COL1A2: variants seen among roughly 807,000 people sequenced by gnomAD.
COL1A2 encodes the protein collagen type I alpha 2 chain, also known as collagen alpha-2(I) chain.
In COL1A2, 49 loss-of-function variants were observed where a neutral mutation model predicts 174.3. The observed-to-expected ratio is 0.28, with a 90% CI of 0.22 to 0.36. COL1A2 has a LOEUF of 0.36. Among genes scored for constraint, COL1A2 ranks in the 10% least tolerant of loss-of-function variants. The pLI, the probability that COL1A2 is intolerant of heterozygous loss-of-function variation, is 1.00. For missense variants in COL1A2, 1,438 were observed against 1,822.7 expected, an observed-to-expected ratio of 0.79 and a Z score of 3.84; for synonymous variants, 655 against 606.6, an observed-to-expected ratio of 1.08 and a Z score of -1.17.
chr7:94,420,519 T>C (rs1792136293), intron 36 of COL1A2, 22 bp from the exon 37 acceptor site: 2 of 1,613,892 alleles, frequency 1.2e-6, no homozygotes, highest in Middle Eastern at 1.6e-4. Flanking sequence ...ATACCAGAGC[T>C]GTAACTGTTT....
Position 94,397,750 on chromosome 7 carries a change from T to A in COL1A2, c.73T>A (p.Leu25Ile). 7.6e-7 allele frequency: 1 copy of A among 1,317,794 alleles called. No individual in the cohort carries two copies. The highest frequency in any genetic ancestry group is 1.1e-6 in the Non-Finnish European group (1 of 920,844). The allele number at this position is 1,317,794 out of a possible 1,614,324, so 81.6% of individuals were successfully genotyped here. A position where few individuals can be genotyped will look rare whatever the true frequency, so the allele number is the denominator to read the frequency against. Residue 25 changes from leucine (L) to isoleucine (I), a missense_variant and splice_region_variant, in exon 2 of 52, where the codon TTA becomes ATA. This residue lies in a region of COL1A2 where 281 missense variants were observed against 310.9 expected (regional missense o/e 0.90). Coordinates refer to ENST00000297268, the MANE Select transcript of COL1A2 (RefSeq NM_000089.4). Reference sequence around the variant, plus strand: ...CTTTTTCTTTTTTTTTTCTACAGCTTTACAAGAGGTGAGTAAAACTTTTTT... The same window carrying A: ...CTTTTTCTTTTTTTTTTCTACAGCTATACAAGAGGTGAGTAAAACTTTTTT... ...VTLCLATCQS[L>I]QEETVRKGPA... is the part of the protein sequence containing the mutation.
rs773852385 is a variant in COL1A2, at chr7:94,412,121, C to T, written c.1404C>T (p.Val468=). Reference sequence around the variant, plus strand: ...GCCCCGCTGGAAAAGAAGGTCCTGTCGTAAGTATTGCTCATTTTCCATTAT... The same window carrying T: ...GCCCCGCTGGAAAAGAAGGTCCTGTTGTAAGTATTGCTCATTTTCCATTAT... The part of the protein sequence containing the change: ...NIGPAGKEGP[V]GLPGIDGRPG... The change falls in exon 24 of 52, where the codon GTC becomes GTT. Residue 468 remains valine, a splice_region_variant and synonymous_variant. Transcript: ENST00000297268. The T allele has an allele frequency of 8.7e-6, 14 of 1,611,336 alleles. No individual in the cohort carries two copies. The highest frequency in any genetic ancestry group is 1.7e-5 in the Admixed American group (1 of 59,890).
At chr7:94,409,200 T>A in intron 16 of COL1A2, 122 bp from the exon 17 acceptor site, 1 of 959,818 alleles carries the variant, frequency 1.0e-6, no homozygotes, top group African/African-American at 1.6e-5. Flanking sequence ...ATAAAACGGA[T>A]AAGAAAAATA....
rs1791728794 is a variant in COL1A2 at position 94,403,348 on chromosome 7, T to C, written c.280-1208T>C. Among the ~76,000 whole-genome samples the C allele has an allele frequency of 2.0e-5, 3 of 152,278 alleles. No individual in the cohort carries two copies. In the South Asian group the frequency reaches 6.2e-4, roughly 32 times the overall value. ...AGGGAAGATAGGCAGCAATAAAGTA[T>C]TAAAATAATTTCCATGTTGGAAAAT... is the stretch of plus-strand genomic sequence containing the variant. On this transcript the variant is annotated intron_variant, in intron 6 of 51. Transcript: ENST00000297268.
At chr7:94,419,695 G>A in intron 34 of COL1A2, 144 bp downstream of exon 34, 1 of 893,218 alleles carries the variant, frequency 1.1e-6, no homozygotes, top group Non-Finnish European at 1.8e-6. Context: ...AGAGCAGCAG[G>A]AAACAAATGC....
rs774218527 is a variant in COL1A2, at chr7:94,410,227, T to C, written c.1036-15T>C. On this transcript the variant is annotated splice_polypyrimidine_tract_variant and intron_variant, in intron 19 of 51. Coordinates refer to ENST00000297268, the MANE Select transcript of COL1A2 (RefSeq NM_000089.4). ...AATGTTTGTCCTTTGACCACTGTTC[T>C]GTATTGAACCCTAGGGTGAGCCTGG... 9 of 1,613,276 alleles carry C rather than the reference T, an allele frequency of 5.6e-6. No individual in the cohort carries two copies. The highest frequency in any genetic ancestry group is 2.7e-5 in the African/African-American group (2 of 74,894).
At chr7:94,419,211 C>T (rs1432367227) in intron 33 of COL1A2, among the ~76,000 whole-genome samples, 1 of 151,488 alleles carries the variant, frequency 6.6e-6, no homozygotes, top group African/African-American at 2.4e-5. Context: ...ATTTGCTGCT[C>T]TCCAGGGAAT....
chr7:94,410,829 C>T, intron 21 of COL1A2, 60 bp from the exon 22 acceptor site: 1 of 1,570,708 alleles, frequency 6.4e-7, no homozygotes, highest in East Asian at 2.2e-5. Flanking sequence ...TTTACAAACT[C>T]TACCTTATCA....
Position 94,395,078 on chromosome 7 carries a change from C to G in COL1A2, c.47C>G (p.Thr16Ser), listed in dbSNP as rs752079706. 1.2e-6 allele frequency: 2 copies of G among 1,614,008 alleles called. No homozygotes were observed. The highest frequency in any genetic ancestry group is 1.7e-5 in the Admixed American group (1 of 60,018). The change falls in exon 1 of 52, where the codon ACC becomes AGC. Residue 16 changes from threonine (T) to serine (S), a missense_variant. Coordinates refer to ENST00000297268, the MANE Select transcript of COL1A2 (RefSeq NM_000089.4). ...DTRTLLLLAV[T>S]LCLATCQSLQ... Reference sequence around the variant, plus strand: ...CGGACTTTGTTGCTGCTTGCAGTAACCTTATGCCTAGCAACATGCCAATGT... The same window carrying G: ...CGGACTTTGTTGCTGCTTGCAGTAAGCTTATGCCTAGCAACATGCCAATGT...
Position 94,411,163 on chromosome 7 carries a change from C to G in COL1A2, c.1350+9C>G. ...GTCTCATGGGACCCAGAGTAAGTTT[C>G]AAACTGATTCTGAGCAAATCACACC... is the stretch of plus-strand genomic sequence containing the variant. On this transcript the variant is annotated intron_variant, in intron 23 of 51. Coordinates refer to ENST00000297268, the MANE Select transcript of COL1A2 (RefSeq NM_000089.4). The G allele has an allele frequency of 6.4e-7, 1 of 1,559,134 alleles. No homozygotes were observed. Among genetic ancestry groups the G allele is most frequent in the Non-Finnish European group, 8.7e-7 (1 of 1,148,052 alleles).
At chr7:94,408,737 GA>G in intron 15 of COL1A2, 32 bp from the exon 16 acceptor site, 1 of 1,611,966 alleles carries the variant, frequency 6.2e-7, no homozygotes, top group Non-Finnish European at 8.5e-7. Flanking sequence ...TTACTTGGAG[GA>G]AATTTCTTAC....
chr7:94,400,674 G>A (rs1224960224), intron 5 of COL1A2, among the ~76,000 whole-genome samples: 1 of 152,132 alleles, frequency 6.6e-6, no homozygotes, highest in African/African-American at 2.4e-5. Flanking sequence ...TATTCTCCTT[G>A]ACTTGAAGTC....
At chr7:94,402,609 T>A (rs1244266375) in intron 6 of COL1A2, among the ~76,000 whole-genome samples, 4 of 151,986 alleles carry the variant, frequency 2.6e-5, no homozygotes, top group Non-Finnish European at 5.9e-5. Flanking sequence ...GCATGCAAAA[T>A]GTATACTAGC....
At chr7:94,426,727 A>G in intron 46 of COL1A2, 197 bp downstream of exon 46, 1 of 646,856 alleles carries the variant, frequency 1.5e-6, no homozygotes, top group Non-Finnish European at 2.7e-6. Context: ...AGGGAGATAG[A>G]AATAGACATA....
intron 28 of COL1A2, 92 bp downstream of exon 28, chr7:94,414,039 A>G: frequency 7.2e-7 from 1 of 1,383,230 alleles, no homozygotes; most frequent in East Asian, 2.3e-5. Flanking sequence ...ACCACAATAA[A>G]CATGATTTCA....
chr7:94,409,031 A>G (rs2115891077), intron 16 of COL1A2, among the ~76,000 whole-genome samples: 1 of 152,288 alleles, frequency 6.6e-6, no homozygotes, highest in South Asian at 2.1e-4. Context: ...GCCCATCGAT[A>G]TAGATGACAA....
chr7:94,426,959 C>T (rs751360962), intron 46 of COL1A2, 49 bp from the exon 47 acceptor site: 5 of 1,545,206 alleles, frequency 3.2e-6, no homozygotes, highest in Admixed American at 1.7e-5. Flanking sequence ...AAAAATATGT[C>T]TCTTGACATG....
At position 94,412,643 on chromosome 7, in the gene COL1A2, G is replaced by A. The variant is rs148802548; in HGVS notation, c.1464G>A (p.Glu488=). ...GPIGPAGARG[E]PGNIGFPGPK... ...TTGGCCCAGCTGGAGCAAGAGGAGA[G>A]CCTGGCAACATTGGATTCCCTGGAC... The change falls in exon 25 of 52, where the codon GAG becomes GAA. Residue 488 remains glutamate, a synonymous_variant. Coordinates refer to ENST00000297268, the MANE Select transcript of COL1A2 (RefSeq NM_000089.4). The A allele has an allele frequency of 6.2e-7, 1 of 1,614,102 alleles. No individual in the cohort carries two copies. The highest frequency in any genetic ancestry group is 1.1e-5 in the South Asian group (1 of 91,080).
At chr7:94,417,283 A>C (rs1398234210) in intron 31 of COL1A2, among the ~76,000 whole-genome samples, 1 of 152,222 alleles carries the variant, frequency 6.6e-6, no homozygotes, top group South Asian at 2.1e-4. Context: ...AGGGTTTTAT[A>C]TAAAAATGGA....
Sources: gnomAD v4.1 joint callset for allele counts (sites outside exome capture counted in the v4.1 genomes callset) on GRCh38, gnomAD v4.1.1 for gene constraint, gnomAD v4.1.1 regional missense constraint, MANE v1.5 for transcripts, NCBI Gene and HGNC (gene_info 2026-07-23, HGNC 2026-07-21) for gene names.